Variants in TRIM33 observed in about 807,000 individuals in gnomAD.
The protein encoded by TRIM33 is E3 ubiquitin-protein ligase TRIM33.
In TRIM33, 20 loss-of-function variants were observed where a neutral mutation model predicts 125.4. The observed-to-expected ratio is 0.16, with a 90% CI of 0.11 to 0.23. The LOEUF is 0.23. Ranked by LOEUF, TRIM33 falls within the 10% of genes least tolerant of loss-of-function variation. The probability of loss-of-function intolerance (pLI) is 1.00; values close to 1 mark genes in which losing one functional copy is unlikely to be tolerated. For synonymous variants in TRIM33, 564 were observed against 513.9 expected, an observed-to-expected ratio of 1.10 and a Z score of -1.32; for missense variants, 920 against 1,411.4, an observed-to-expected ratio of 0.65 and a Z score of 5.58.
chr1:114,463,008 G>C, intron 4 of TRIM33, 96 bp downstream of exon 4: 1 of 942,224 alleles, frequency 1.1e-6, no homozygotes. Context: ...AAAAGATTAA[G>C]ACACAAACAT....
rs3789620 is a variant in TRIM33 at position 114,420,198 on chromosome 1, T to C, written c.2061+1238A>G. 7.9e-4 allele frequency among the ~76,000 whole-genome samples: 121 copies of C among 152,350 alleles called. 2 individuals carry two copies. The East Asian group carries it at 0.019, about 24-fold the overall frequency. On this transcript the variant is annotated intron_variant, in intron 11 of 19. Coordinates refer to ENST00000358465, the MANE Select transcript of TRIM33 (RefSeq NM_015906.4). The stretch of plus-strand genomic sequence containing the variant: ...GGATCCAAAGGATACTTTTCTTCGG[T>C]TGAAAGGGGCAAAAGGCCTCACTCA...
chr1:114,406,873 TAC>T (rs1652279246), intron 14 of TRIM33, 66 bp downstream of exon 14: 1 of 1,472,370 alleles, frequency 6.8e-7, no homozygotes, highest in Admixed American at 2.0e-5. Context: ...AGTCTTAATA[TAC>T]TCAGAGCTGA....
intron 1 of TRIM33, among the ~76,000 whole-genome samples, chr1:114,491,901 G>A (rs566420466): frequency 5.9e-5 from 9 of 152,256 alleles, no homozygotes; most frequent in Admixed American, 1.3e-4. Context: ...TACCTTACAC[G>A]TGTTTTCTCC....
At chr1:114,495,909 G>A (rs992620218) in intron 1 of TRIM33, among the ~76,000 whole-genome samples, 1 of 152,164 alleles carries the variant, frequency 6.6e-6, no homozygotes, top group Non-Finnish European at 1.5e-5. Flanking sequence ...ATTATAAAAT[G>A]TATTATACTG....
At chr1:114,481,158 G>A (rs2101484896) in intron 1 of TRIM33, among the ~76,000 whole-genome samples, 1 of 152,156 alleles carries the variant, frequency 6.6e-6, no homozygotes, top group Admixed American at 6.5e-5. Context: ...GGGCAACAGA[G>A]TAAGACTCTG....
intron 11 of TRIM33, among the ~76,000 whole-genome samples, chr1:114,417,231 C>T (rs1225865746): frequency 1.3e-5 from 2 of 151,984 alleles, no homozygotes; most frequent in Non-Finnish European, 2.9e-5. Flanking sequence ...TAATGAGTAC[C>T]ATTTCTTTTG....
chr1:114,397,695 G>C lies in TRIM33; in HGVS notation c.3337C>G (p.Arg1113Gly). The change falls in exon 20 of 20, where the codon CGC (arginine) becomes GGC (glycine). Residue 1113 changes from arginine (R) to glycine (G), a missense_variant. Arg to Gly is a moderately radical substitution (Grantham distance 125). Coordinates refer to ENST00000358465, the MANE Select transcript of TRIM33 (RefSeq NM_015906.4). The part of the protein sequence containing the change: ...EDSDEDFIQP[R>G]RKRLKSDERP... ...TCATCTGACTTTAGGCGTTTTCTGC[G>C]GGGCTGTATAAAGTCTTCATCAGAG... The C allele has an allele frequency of 6.2e-7, 1 of 1,610,414 alleles. No individual in the cohort carries two copies. Among genetic ancestry groups the C allele is most frequent in the Non-Finnish European group, 8.5e-7 (1 of 1,179,442 alleles).
chr1:114,410,389 T>C, intron 11 of TRIM33, 73 bp from the exon 12 acceptor site: 6 of 1,435,864 alleles, frequency 4.2e-6, no homozygotes, highest in South Asian at 2.6e-5. Flanking sequence ...TGTCACTGCT[T>C]ATACTCAGTT....
chr1:114,505,349 G>A (rs1652933159), intron 1 of TRIM33, among the ~76,000 whole-genome samples: 1 of 152,094 alleles, frequency 6.6e-6, no homozygotes, highest in Non-Finnish European at 1.5e-5. Flanking sequence ...AACCAGTTAA[G>A]TCACACTGAG....
chr1:114,428,536 T>C (rs1338488825), intron 6 of TRIM33, among the ~76,000 whole-genome samples: 1 of 152,222 alleles, frequency 6.6e-6, no homozygotes, highest in Non-Finnish European at 1.5e-5. Context: ...ATGTCCTACA[T>C]ACTTTTGACA....
chr1:114,434,669 G>T (rs1297340408), intron 4 of TRIM33, among the ~76,000 whole-genome samples: 1 of 151,984 alleles, frequency 6.6e-6, no homozygotes, highest in Non-Finnish European at 1.5e-5. Flanking sequence ...ATATTATTTA[G>T]TTTTTTTCTA....
chr1:114,397,603 T>TTTTGTTTTTTTTTTTTTTAAAAA lies in TRIM33; in HGVS notation c.*44_*45insTTTTTAAAAAAAAAAAAAACAAA. ...GGGTTTTTTGTGTTTTTTTTTTTTTTTTCGTTTTTTTTTTTTTAAACAATT... is the reference window on the plus strand; with the variant it reads ...GGGTTTTTTGTGTTTTTTTTTTTTTTTTTGTTTTTTTTTTTTTTAAAAATTCGTTTTTTTTTTTTTAAACAATT... On this transcript the variant is annotated 3_prime_UTR_variant, in exon 20 of 20. Coordinates refer to ENST00000358465, the MANE Select transcript of TRIM33 (RefSeq NM_015906.4). The TTTTGTTTTTTTTTTTTTTAAAAA allele has an allele frequency of 8.5e-7, 1 of 1,172,436 alleles. No individual in the cohort carries two copies. The highest frequency in any genetic ancestry group is 1.2e-6 in the Non-Finnish European group (1 of 824,654). The allele number at this position is 1,172,436 out of a possible 1,614,324, so 72.6% of individuals were successfully genotyped here.
rs140908756 is a variant in TRIM33 at position 114,456,002 on chromosome 1, T to C, written c.923+7102A>G. Among the ~76,000 whole-genome samples the C allele has an allele frequency of 1.7e-3, 261 of 152,272 alleles. 1 individual carries two copies. The highest frequency in any genetic ancestry group is 7.9e-3 in the South Asian group (38 of 4,818). The stretch of plus-strand genomic sequence containing the variant: ...GCCCAAGGCACCATAATTCTAAATC[T>C]TGTTGAAGTCCTAACAGGTGTTAAG... On this transcript the variant is annotated intron_variant, in intron 4 of 19. Coordinates refer to ENST00000358465, the MANE Select transcript of TRIM33 (RefSeq NM_015906.4).
chr1:114,433,480 T>C (rs1648094582), intron 5 of TRIM33, 137 bp downstream of exon 5: 2 of 556,228 alleles, frequency 3.6e-6, no homozygotes. Context: ...ACAAATATTA[T>C]AATCCCAAAT....
intron 4 of TRIM33, among the ~76,000 whole-genome samples, chr1:114,457,573 G>A (rs1224234167): frequency 1.3e-5 from 2 of 152,140 alleles, no homozygotes; most frequent in Admixed American, 1.3e-4. Context: ...GTTTGCACAG[G>A]ATTTACAACC....
chr1:114,475,506 G>A (rs139170605), intron 1 of TRIM33, among the ~76,000 whole-genome samples: 12 of 152,048 alleles, frequency 7.9e-5, no homozygotes, highest in African/African-American at 7.2e-5. Context: ...ACGGTGAAAC[G>A]CTGTCTGTAC....
At chr1:114,492,179 A>G (rs1270075422) in intron 1 of TRIM33, among the ~76,000 whole-genome samples, 2 of 152,206 alleles carry the variant, frequency 1.3e-5, no homozygotes, top group Non-Finnish European at 2.9e-5. Context: ...GCTATTATTA[A>G]TACTGGGGTT....
intron 4 of TRIM33, among the ~76,000 whole-genome samples, chr1:114,452,289 G>C (rs6688160): frequency 6.6e-6 from 1 of 151,844 alleles, no homozygotes; most frequent in Non-Finnish European, 1.5e-5. Context: ...GTGAAACCCC[G>C]TCTCTACTAA....
In TRIM33 at chr1:114,394,125, T is replaced by C. The variant is rs1651419124; in HGVS notation, c.*3523A>G. 1 of 228,926 alleles carries C rather than the reference T, an allele frequency of 4.4e-6. No homozygotes were observed. Among genetic ancestry groups the C allele is most frequent in the Non-Finnish European group, 8.7e-6 (1 of 115,160 alleles). 14.2% of individuals were successfully genotyped at this position (228,926 alleles called of 1,614,324 possible). On this transcript the variant is annotated 3_prime_UTR_variant, in exon 20 of 20. Coordinates refer to ENST00000358465, the MANE Select transcript of TRIM33 (RefSeq NM_015906.4). ...GTACAGAAATTAAGAATTCATGGTA[T>C]GAATTAAGAATCTGTTTTAACTAAG...
Sources: allele counts gnomAD v4.1 joint callset (sites outside exome capture counted in the v4.1 genomes callset), GRCh38; gene constraint gnomAD v4.1.1; transcripts MANE v1.5; gene names NCBI Gene and HGNC (gene_info 2026-07-23, HGNC 2026-07-21).